ACCSL: variants seen among roughly 807,000 people sequenced by gnomAD.
ACCSL encodes probable inactive 1-aminocyclopropane-1-carboxylate synthase-like protein 2.
Under a neutral mutation model 61.7 loss-of-function variants are expected in ACCSL, and 55 were observed. The observed-to-expected ratio is 0.89, with a 90% CI of 0.72 to 1.12. The LOEUF (loss-of-function observed/expected upper bound fraction) is 1.12, where lower values mean the gene tolerates loss of function less well. Among genes scored for constraint, ACCSL ranks in the 50% most tolerant of loss-of-function variants. The probability of loss-of-function intolerance (pLI) is 0.00; values close to 1 mark genes in which losing one functional copy is unlikely to be tolerated. For missense variants in ACCSL, 632 were observed against 698.0 expected, an observed-to-expected ratio of 0.91 and a Z score of 1.07; for synonymous variants, 258 against 264.3, an observed-to-expected ratio of 0.98 and a Z score of 0.23.
chr11:44,049,957 A>G (rs1325569028), intron 1 of ACCSL, 105 bp from the exon 2 acceptor site: 1 of 1,481,678 alleles, frequency 6.7e-7, no homozygotes, highest in African/African-American at 1.4e-5. Context: ...TTTGGATTGA[A>G]TTGCCTCATA....
At chr11:44,015,187 G>C in the ACCSL span, among the ~76,000 whole-genome samples, 8 of 152,144 alleles carry the variant, frequency 5.3e-5, no homozygotes, top group Non-Finnish European at 1.0e-4. Context: ...CAAGTCCTTT[G>C]GCAGGCATGA....
upstream of ACCSL, among the ~76,000 whole-genome samples, chr11:44,045,324 C>T (rs1952591353): frequency 6.6e-6 from 1 of 151,980 alleles, no homozygotes; most frequent in Non-Finnish European, 1.5e-5. Context: ...CCTGTAGTCC[C>T]AGCTACTCAG....
intron 1 of ACCSL, among the ~76,000 whole-genome samples, 177 bp downstream of exon 1, chr11:44,048,717 A>G (rs540474011): frequency 6.6e-6 from 1 of 152,218 alleles, no homozygotes; most frequent in East Asian, 1.9e-4. Flanking sequence ...ATGCCCCAGA[A>G]AGTTAGAGAA....
At chr11:44,056,893 T>TTC (rs1221815536) in intron 11 of ACCSL, among the ~76,000 whole-genome samples, 5 of 152,214 alleles carry the variant, frequency 3.3e-5, no homozygotes, top group Non-Finnish European at 5.9e-5. Flanking sequence ...GTAGCTTGTG[T>TTC]TCTACCCAGA....
At chr11:44,051,921 A>T (rs1414413367) in intron 5 of ACCSL, among the ~76,000 whole-genome samples, 1 of 152,180 alleles carries the variant, frequency 6.6e-6, no homozygotes, top group South Asian at 2.1e-4. Flanking sequence ...AAGGGAAGAG[A>T]GACATGGTGG....
chr11:44,024,441 C>CTGTG, the ACCSL span, among the ~76,000 whole-genome samples: 288 of 132,086 alleles, frequency 2.2e-3, 3 homozygotes, highest in East Asian at 0.03. Context: ...CTCTCTCTCT[C>CTGTG]TGTGTGTGTG....
chr11:43,983,511 G>A, the ACCSL span, among the ~76,000 whole-genome samples: 1 of 152,160 alleles, frequency 6.6e-6, no homozygotes, highest in African/African-American at 2.4e-5. Flanking sequence ...GCTCTGTGCT[G>A]TAAGGGGAGA....
At position 44,058,555 on chromosome 11, in the gene ACCSL, C is replaced by T. The variant is rs763674196; in HGVS notation, c.1480C>T (p.Pro494Ser). Residue 494 changes from proline (P) to serine (S), a missense_variant, in exon 13 of 14, where the codon CCC becomes TCC. Pro to Ser is a moderately conservative substitution (Grantham distance 74, BLOSUM62 -1). Coordinates refer to ENST00000378832, the MANE Select transcript of ACCSL (RefSeq NM_001031854.2). ...CCTCTGCCCTCCCTAGTACCTGGAT[C>T]CCTGTACATTTGAAGAAGAACGGCT... Reference protein sequence around the residue: ...VWINLKKYLDPCTFEEERLLY... With the variant: ...VWINLKKYLDSCTFEEERLLY... 3 of 1,613,912 alleles carry T rather than the reference C, an allele frequency of 1.9e-6. No homozygotes were observed. The African/African-American group carries it at 4.0e-5, about 22-fold the overall frequency.
chr11:44,050,250 TA>T, intron 2 of ACCSL, 129 bp downstream of exon 2: 2 of 807,066 alleles, frequency 2.5e-6, no homozygotes, highest in Non-Finnish European at 4.3e-6. Flanking sequence ...AAATAGCTTC[TA>T]GAATAGCACA....
chr11:44,017,783 C>T, the ACCSL span, among the ~76,000 whole-genome samples: 2 of 151,820 alleles, frequency 1.3e-5, no homozygotes, highest in African/African-American at 4.8e-5. Flanking sequence ...AATTGTGTAA[C>T]CCTGGGCTTG....
chr11:43,926,422 C>G, the ACCSL span: 1 of 434,012 alleles, frequency 2.3e-6, no homozygotes, highest in Non-Finnish European at 4.6e-6. Context: ...ATTGTTTTCT[C>G]GTTCTTGCAG....
At chr11:43,994,611 G>T in the ACCSL span, among the ~76,000 whole-genome samples, 2 of 143,616 alleles carry the variant, frequency 1.4e-5, no homozygotes, top group African/African-American at 5.4e-5. Flanking sequence ...AGGTAAAAGG[G>T]GTGTTACTAA....
At chr11:43,940,384 C>T in the ACCSL span, among the ~76,000 whole-genome samples, 2 of 148,474 alleles carry the variant, frequency 1.3e-5, no homozygotes, top group South Asian at 2.1e-4. Flanking sequence ...GAGACGGAGT[C>T]TTGCTCCATT....
At position 44,048,003 on chromosome 11, in the gene ACCSL, G is replaced by A; in HGVS notation, c.-34G>A. On this transcript the variant is annotated 5_prime_UTR_variant, in exon 1 of 14. Coordinates refer to ENST00000378832, the MANE Select transcript of ACCSL (RefSeq NM_001031854.2). ...TGGTCTCTTTCTCCATAGGTGCCAG[G>A]CAGCCTTCAGAGGCCAGTAAAGATA... The A allele has an allele frequency of 6.3e-7, 1 of 1,586,892 alleles. No homozygotes were observed. The highest frequency in any genetic ancestry group is 2.3e-5 in the East Asian group (1 of 44,332).
chr11:43,994,090 A>G, the ACCSL span, among the ~76,000 whole-genome samples: 2 of 152,208 alleles, frequency 1.3e-5, no homozygotes, highest in Non-Finnish European at 2.9e-5. Context: ...TTTGAAAACC[A>G]CTGTTGTATG....
chr11:43,940,660 G>T, the ACCSL span, among the ~76,000 whole-genome samples: 1 of 152,066 alleles, frequency 6.6e-6, no homozygotes, highest in Non-Finnish European at 1.5e-5. Flanking sequence ...GCACCCGGCT[G>T]AAATTCTAAC....
At chr11:44,051,175 G>T (rs1404222126) in intron 3 of ACCSL, among the ~76,000 whole-genome samples, 160 bp from the exon 4 acceptor site, 1 of 152,266 alleles carries the variant, frequency 6.6e-6, no homozygotes, top group African/African-American at 2.4e-5. Context: ...CTCATTTATT[G>T]TCTGTGTGAC....
chr11:44,018,310 A>G, the ACCSL span, among the ~76,000 whole-genome samples: 2 of 152,224 alleles, frequency 1.3e-5, no homozygotes, highest in African/African-American at 4.8e-5. Flanking sequence ...AGGGAGGTCT[A>G]TGCCAGCCGG....
chr11:44,019,772 A>C, the ACCSL span, among the ~76,000 whole-genome samples: 2 of 152,136 alleles, frequency 1.3e-5, no homozygotes, highest in African/African-American at 4.8e-5. Flanking sequence ...ATTTAAATAT[A>C]TTTTTCTTTT....
Sources: gnomAD v4.1 joint callset for allele counts (sites outside exome capture counted in the v4.1 genomes callset) on GRCh38, gnomAD v4.1.1 for gene constraint, MANE v1.5 for transcripts, NCBI Gene and HGNC (gene_info 2026-07-23, HGNC 2026-07-21) for gene names.